TTN: variants seen among roughly 807,000 people sequenced by gnomAD.
TTN encodes titin.
In TTN, 1,525 loss-of-function variants were observed where a neutral mutation model predicts 3,223.0. That is an observed-to-expected ratio of 0.47 (90% CI 0.45 to 0.49). TTN has a LOEUF of 0.49. Ranked by LOEUF, TTN falls within the 20% of genes least tolerant of loss-of-function variation. TTN has a pLI of 0.00. For synonymous variants in TTN, 14,094 were observed against 15,161.0 expected (o/e 0.93, Z 5.17); for missense variants, 40,786 against 43,424.0 (o/e 0.94, Z 5.40).
At chr2:178,744,419 CGAGTCTTATATGAGAAGACTT>C (rs1319435795) in intron 47 of TTN, 71 of 980,376 alleles carry the variant, frequency 7.2e-5, no homozygotes, top group Non-Finnish European at 8.5e-5. Flanking sequence ...TTATATTTGT[CGAGTCTTATATGAGAAGACTT>C]GGGTCCACAT....
intron 20 of TTN, 36 bp from the exon 21 acceptor site, chr2:178,781,299 T>C (rs1195366662): frequency 1.9e-6 from 3 of 1,611,106 alleles, no homozygotes; most frequent in African/African-American, 2.7e-5. Context: ...AAATCAGTTA[T>C]CAACAACTCT....
rs762592218 is a variant in TTN at position 178,534,911 on chromosome 2, C to G, written c.101704G>C (p.Glu33902Gln). 3.7e-6 allele frequency: 6 copies of G among 1,610,354 alleles called. No individual in the cohort carries two copies. Among genetic ancestry groups the G allele is most frequent in the South Asian group, 2.2e-5 (2 of 91,048 alleles). ...TCAAAAGCACTTGTGTTAATGCGCT[C>G]AAATATGTCAAGTCCTGATATAAAC... The part of the protein sequence containing the change: ...FEFISGLDIF[E>Q]RINTSAFELN... Residue 33902 changes from glutamate to glutamine, a missense_variant, in exon 358 of 363, where the codon GAG becomes CAG. Glu to Gln is a conservative substitution (Grantham distance 29). Transcript: ENST00000589042.
intron 310 of TTN, 37 bp downstream of exon 310, chr2:178,584,632 A>G: frequency 6.2e-7 from 1 of 1,610,380 alleles, no homozygotes; most frequent in Non-Finnish European, 8.5e-7. Flanking sequence ...ACAAACTAGA[A>G]AGAAAACAAC....
In TTN at chr2:178,546,884, A is replaced by G; in HGVS notation, c.94544T>C (p.Val31515Ala). The G allele has an allele frequency of 2.5e-6, 4 of 1,590,814 alleles. No homozygotes were observed. The highest frequency in any genetic ancestry group is 3.4e-6 in the Non-Finnish European group (4 of 1,165,260). Residue 31515 changes from valine to alanine, a missense_variant, in exon 341 of 363, where the codon GTG becomes GCG. Transcript: ENST00000589042. The stretch of plus-strand genomic sequence containing the variant: ...TACTGTTGATCTTGTGACATCTGTC[A>G]CCTCTGGTCTGCCTGGTGCATCTGG... ...NPVDAPGRPE[V>A]TDVTRSTVSL... is the part of the protein sequence containing the mutation.
At position 178,774,400 on chromosome 2, in the gene TTN, G is replaced by T; in HGVS notation, c.6864C>A (p.Cys2288Ter). ...CTTCTATATTTTCTGGGGATACAAT[G>T]CACTCTAATTCTCCTGAATATGATT... ...VPESYSGELE[C>*]IVSPENIEGK... The change falls in exon 30 of 363, where the codon TGC (cysteine) becomes TGA (stop). Residue 2288 changes from cysteine to a stop codon, truncating the protein, a stop_gained. Coordinates refer to ENST00000589042, the MANE Select transcript of TTN (RefSeq NM_001267550.2). LOFTEE classifies it high-confidence loss of function. 1 of 1,613,846 alleles carries T rather than the reference G, an allele frequency of 6.2e-7. No homozygotes were observed. Among genetic ancestry groups the T allele is most frequent in the Non-Finnish European group, 8.5e-7 (1 of 1,179,912 alleles).
intron 218 of TTN, among the ~76,000 whole-genome samples, chr2:178,643,057 C>T (rs2061445323): frequency 6.6e-6 from 1 of 151,904 alleles, no homozygotes; most frequent in African/African-American, 2.4e-5. Flanking sequence ...GCCTCTTTTG[C>T]TATTATGGCC....
intron 307 of TTN, 130 bp downstream of exon 307, chr2:178,586,988 A>G (rs1576022973): frequency 1.2e-5 from 17 of 1,383,938 alleles, no homozygotes; most frequent in African/African-American, 2.9e-5. Flanking sequence ...AGTGAGATAG[A>G]TATTTATTAC....
intron 127 of TTN, among the ~76,000 whole-genome samples, chr2:178,687,075 G>A (rs995428427): frequency 2.0e-5 from 3 of 152,174 alleles, no homozygotes; most frequent in East Asian, 1.9e-4. Context: ...CTAAGACTAT[G>A]GCACCTTGGA....
rs532818379 is a variant in TTN, at chr2:178,559,992, C to T, written c.86140G>A (p.Gly28714Arg). 1.3e-5 allele frequency: 21 copies of T among 1,613,664 alleles called. No individual in the cohort carries two copies. Among genetic ancestry groups the T allele is most frequent in the Admixed American group, 1.0e-4 (6 of 59,996 alleles). ...SLRGTEYTIS[G>R]LTTGAEYVFR... ...ACATATTCAGCTCCTGTTGTTAGTC[C>T]GCTTATTGTATATTCTGTCCCTCGT... Residue 28714 changes from glycine (G) to arginine (R), a missense_variant, in exon 326 of 363, where the codon GGA becomes AGA. Physicochemically the swap from Gly to Arg is moderately radical, Grantham distance 125. Transcript: ENST00000589042.
At position 178,618,393 on chromosome 2, in the gene TTN, T is replaced by G. The variant is rs780698011; in HGVS notation, c.47065A>C (p.Ile15689Leu). The change falls in exon 252 of 363, where the codon ATC (isoleucine) becomes CTC (leucine). Residue 15689 changes from isoleucine to leucine, a missense_variant. Physicochemically the swap from Ile to Leu is conservative, Grantham distance 5 (BLOSUM62 2). Coordinates refer to ENST00000589042, the MANE Select transcript of TTN (RefSeq NM_001267550.2). ...CGTCTTTCAACAACGTAACCTATGA[T>G]TTTGCTTCCACCATCAGTTAAAGGT... ...EEPLTDGGSKIIGYVVERRDI... is the reference protein window; with the variant it reads ...EEPLTDGGSKLIGYVVERRDI... 3.7e-6 allele frequency: 6 copies of G among 1,612,504 alleles called. No homozygotes were observed. The South Asian group carries it at 6.6e-5, about 18-fold the overall frequency.
rs200778464 is a variant in TTN, at chr2:178,597,604, C to A, written c.57478G>T (p.Val19160Phe). 1 of 1,613,098 alleles carries A rather than the reference C, an allele frequency of 6.2e-7. No homozygotes were observed. The highest frequency in any genetic ancestry group is 1.1e-5 in the South Asian group (1 of 91,074). Residue 19160 changes from valine (V) to phenylalanine (F), a missense_variant, in exon 294 of 363, where the codon GTC becomes TTC. Coordinates refer to ENST00000589042, the MANE Select transcript of TTN (RefSeq NM_001267550.2). ...TCATTTTTGGCAAGAAGAGAATAGA[C>A]GCCTTGATGGCTCCTCTGGCAGTTC... ...IKNCQRSHQG[V>F]YSLLAKNEAG...
rs1453581232 is a variant in TTN at position 178,783,020 on chromosome 2, C to T, written c.2886G>A (p.Leu962=). 6.2e-7 allele frequency: 1 copy of T among 1,614,088 alleles called. No individual in the cohort carries two copies. Among genetic ancestry groups the T allele is most frequent in the Non-Finnish European group, 8.5e-7 (1 of 1,179,984 alleles). Residue 962 remains leucine, a synonymous_variant, in exon 18 of 363, where the codon TTG becomes TTA. Coordinates refer to ENST00000589042, the MANE Select transcript of TTN (RefSeq NM_001267550.2). ...ATGGGTATCCAGAGATGTGGCACTCCAAGGTGACAGATTCACCTTCTATGA... is the reference window on the plus strand; with the variant it reads ...ATGGGTATCCAGAGATGTGGCACTCTAAGGTGACAGATTCACCTTCTATGA... The part of the protein sequence containing the change: ...VTVIEGESVT[L]ECHISGYPSP...
At position 178,751,313 on chromosome 2, in the gene TTN, T is replaced by C. The variant is rs541028933; in HGVS notation, c.11311+1811A>G. On this transcript the variant is annotated intron_variant, in intron 47 of 362. Transcript: ENST00000589042. Reference sequence around the variant, plus strand: ...ACGTTGCAACTTCACTTTGGTCTCCTTGTCCAGGAAACTTTCACCTACATT... The same window carrying C: ...ACGTTGCAACTTCACTTTGGTCTCCCTGTCCAGGAAACTTTCACCTACATT... 23 of 1,610,604 alleles carry C rather than the reference T, an allele frequency of 1.4e-5. No homozygotes were observed. Among genetic ancestry groups the C allele is most frequent in the Non-Finnish European group, 1.4e-5 (16 of 1,178,898 alleles).
At chr2:178,665,031 A>T in intron 165 of TTN, 105 bp from the exon 166 acceptor site, 13 of 1,313,654 alleles carry the variant, frequency 9.9e-6, no homozygotes, top group Non-Finnish European at 1.3e-5. Context: ...TCTTTCCTCC[A>T]TCCTCCCTTT....
chr2:178,648,391 G>T (rs964282085), intron 213 of TTN, among the ~76,000 whole-genome samples: 2 of 151,660 alleles, frequency 1.3e-5, no homozygotes, highest in African/African-American at 2.4e-5. Flanking sequence ...CTTTCCATGG[G>T]ATATCATGTC....
At position 178,748,677 on chromosome 2, in the gene TTN, C is replaced by G. The variant is rs776997612; in HGVS notation, c.11311+4447G>C. On this transcript the variant is annotated intron_variant, in intron 47 of 362. Coordinates refer to ENST00000589042, the MANE Select transcript of TTN (RefSeq NM_001267550.2). ...ATTTGAGTGTGAAACTGCTTTAAGT[C>G]AAATGTAATAGGTGATTCATGTTCA... 36 of 1,612,598 alleles carry G rather than the reference C, an allele frequency of 2.2e-5. No individual in the cohort carries two copies. The African/African-American group carries it at 4.0e-4, about 18-fold the overall frequency.
chr2:178,540,285 T>G lies in TTN; in HGVS notation c.97881A>C (p.Glu32627Asp). 6.2e-7 allele frequency: 1 copy of G among 1,613,858 alleles called. No individual in the cohort carries two copies. The highest frequency in any genetic ancestry group is 1.7e-4 in the Middle Eastern group (1 of 6,058). Residue 32627 changes from glutamate to aspartate, a missense_variant, in exon 351 of 363, where the codon GAA (glutamate) becomes GAC (aspartate). Glu to Asp is a conservative substitution (Grantham distance 45). Transcript: ENST00000589042. ...VSLAWSVPED[E>D]GGSKVTGYLI... is the part of the protein sequence containing the mutation. ...AGTAGCCTGTGACTTTAGATCCTCC[T>G]TCATCTTCTGGAACACTCCAGGCCA...
Position 178,573,402 on chromosome 2 carries a change from C to T in TTN, c.72730G>A (p.Gly24244Arg), listed in dbSNP as rs1708937897. 6.6e-7 allele frequency: 1 copy of T among 1,522,450 alleles called. No homozygotes were observed. Among genetic ancestry groups the T allele is most frequent in the Non-Finnish European group, 8.8e-7 (1 of 1,137,410 alleles). The allele number at this position is 1,522,450 out of a possible 1,614,324, so 94.3% of individuals were successfully genotyped here. Residue 24244 changes from glycine (G) to arginine (R), a missense_variant, in exon 326 of 363, where the codon GGA becomes AGA. Gly to Arg is a moderately radical substitution (Grantham distance 125, BLOSUM62 -2). Transcript: ENST00000589042. ...CTTCCACCATCAGAATCAGGATGTC[C>T]CCAGCAGACAACCATCGAATCTTTA... ...ITKDSMVVCW[G>R]HPDSDGGSEI...
In TTN at chr2:178,725,772, C is replaced by T. The variant is rs2154304500; in HGVS notation, c.20550G>A (p.Leu6850=). ...ATGTGGATGAACTATATTTACCTTT[C>T]AATTTTACAGTACAAACACAAGTAT... ...GSDTCVCTVK[L]KEPPRFVSKL... The change falls in exon 70 of 363, where the codon TTG becomes TTA. Residue 6850 remains leucine (L), a synonymous_variant. Coordinates refer to ENST00000589042, the MANE Select transcript of TTN (RefSeq NM_001267550.2). The T allele has an allele frequency of 6.3e-7, 1 of 1,585,904 alleles. No homozygotes were observed.
Sources: allele counts gnomAD v4.1 joint callset (sites outside exome capture counted in the v4.1 genomes callset), GRCh38; gene constraint gnomAD v4.1.1; transcripts MANE v1.5; gene names NCBI Gene and HGNC (gene_info 2026-07-23, HGNC 2026-07-21).